The following SLC35F4 variants were observed in gnomAD, a reference collection of about 807,000 sequenced individuals.
The protein encoded by SLC35F4 is solute carrier family 35 member F4, also known as chromosome 14 open reading frame 36.
In SLC35F4, 24 loss-of-function variants were observed where a neutral mutation model predicts 44.2. The ratio of observed to expected loss-of-function variants is 0.54; its 90% confidence interval spans 0.39 to 0.76. The LOEUF is 0.76. Ranked by LOEUF, SLC35F4 falls within the 30% of genes least tolerant of loss-of-function variation. The pLI is 0.00. For missense variants in SLC35F4, 562 were observed against 586.1 expected, an observed-to-expected ratio of 0.96 and a Z score of 0.42; for synonymous variants, 238 against 223.6, an observed-to-expected ratio of 1.06 and a Z score of -0.57.
intron 6 of SLC35F4, among the ~76,000 whole-genome samples, chr14:57,568,865 A>G (rs2068339626): frequency 6.6e-6 from 1 of 152,108 alleles, no homozygotes; most frequent in South Asian, 2.1e-4. Context: ...AGCGGCATGA[A>G]AAGGATTTCT....
chr14:57,928,492 G>C (rs1889627010), intron 1 of SLC35F4, among the ~76,000 whole-genome samples: 1 of 152,152 alleles, frequency 6.6e-6, no homozygotes, highest in Admixed American at 6.5e-5. Flanking sequence ...TTTTTCCTCG[G>C]GCATTAACTG....
intron 1 of SLC35F4, among the ~76,000 whole-genome samples, chr14:57,772,443 G>A (rs574127799): frequency 8.5e-5 from 13 of 152,126 alleles, no homozygotes; most frequent in African/African-American, 3.1e-4. Flanking sequence ...GCATACTGGT[G>A]GGGATTGGGC....
intron 1 of SLC35F4, among the ~76,000 whole-genome samples, chr14:57,760,276 G>A (rs949683985): frequency 1.3e-5 from 2 of 152,046 alleles, no homozygotes; most frequent in Non-Finnish European, 1.5e-5. Context: ...AACATAATTT[G>A]TTGGCAATAT....
At chr14:57,896,736 C>T (rs889438157) in intron 1 of SLC35F4, among the ~76,000 whole-genome samples, 3 of 152,044 alleles carry the variant, frequency 2.0e-5, no homozygotes, top group African/African-American at 2.4e-5. Flanking sequence ...TGAGTTAATG[C>T]CTGTAAAGTG....
intron 1 of SLC35F4, among the ~76,000 whole-genome samples, chr14:57,676,986 C>T (rs1419379792): frequency 6.6e-6 from 1 of 151,972 alleles, no homozygotes; most frequent in Admixed American, 6.6e-5. Flanking sequence ...GTACAACTCG[C>T]AATTGCAAAA....
intron 4 of SLC35F4, among the ~76,000 whole-genome samples, chr14:57,577,526 AAAAAT>A (rs1285375976): frequency 6.6e-6 from 1 of 152,192 alleles, no homozygotes; most frequent in African/African-American, 2.4e-5. Context: ...AATAGTATAA[AAAAAT>A]AAGAGAGGGA....
intron 4 of SLC35F4, among the ~76,000 whole-genome samples, chr14:57,577,670 T>TAA (rs1022518397): frequency 9.4e-5 from 14 of 149,084 alleles, no homozygotes; most frequent in African/African-American, 3.4e-4. Context: ...AACCTTTTTT[T>TAA]AAAAAAAAAA....
At chr14:57,830,741 G>A (rs1253619252) in intron 1 of SLC35F4, among the ~76,000 whole-genome samples, 3 of 152,156 alleles carry the variant, frequency 2.0e-5, no homozygotes, top group Admixed American at 6.5e-5. Flanking sequence ...TCTATGAGGA[G>A]GGAAGCTGTC....
chr14:57,753,042 T>C (rs2076921473), intron 1 of SLC35F4, among the ~76,000 whole-genome samples: 1 of 152,200 alleles, frequency 6.6e-6, no homozygotes, highest in African/African-American at 2.4e-5. Flanking sequence ...GCTCAGGGGA[T>C]TGGCTTTAGT....
intron 1 of SLC35F4, among the ~76,000 whole-genome samples, chr14:57,795,341 C>T (rs551574345): frequency 5.3e-5 from 8 of 152,196 alleles, no homozygotes; most frequent in African/African-American, 1.9e-4. Flanking sequence ...CCCTGGTAGT[C>T]TAGAAGAAGC....
chr14:57,707,145 T>C (rs895396220), intron 1 of SLC35F4, among the ~76,000 whole-genome samples: 6 of 152,166 alleles, frequency 3.9e-5, no homozygotes, highest in African/African-American at 1.2e-4. Flanking sequence ...GAAGGTGTAG[T>C]TTTGATAACT....
At chr14:57,789,955 C>A (rs1261247959) in intron 1 of SLC35F4, among the ~76,000 whole-genome samples, 2 of 152,084 alleles carry the variant, frequency 1.3e-5, no homozygotes, top group Admixed American at 6.6e-5. Context: ...CTGCTTCATG[C>A]TAAAACACTC....
chr14:57,859,877 A>G (rs1294680444), intron 1 of SLC35F4, among the ~76,000 whole-genome samples: 1 of 152,220 alleles, frequency 6.6e-6, no homozygotes, highest in African/African-American at 2.4e-5. Context: ...AGAAGCTGAA[A>G]TGCATAATGA....
chr14:57,835,267 A>G (rs887897464), intron 1 of SLC35F4, among the ~76,000 whole-genome samples: 2 of 152,212 alleles, frequency 1.3e-5, no homozygotes, highest in Non-Finnish European at 2.9e-5. Context: ...GAGTCCAAGT[A>G]GGTCCTATAG....
In SLC35F4 at chr14:57,620,433, C is replaced by T. The variant is rs1052722455; in HGVS notation, c.104-26309G>A. 6.6e-5 allele frequency among the ~76,000 whole-genome samples: 10 copies of T among 152,124 alleles called. No individual in the cohort carries two copies. In the East Asian group the frequency reaches 1.9e-3, roughly 29 times the overall value. ...TTTCAACCCAGAATTTCATATCCAGCCAAACTAAGCTTCATAAGCAAAAGA... is the reference window on the plus strand; with the variant it reads ...TTTCAACCCAGAATTTCATATCCAGTCAAACTAAGCTTCATAAGCAAAAGA... On this transcript the variant is annotated intron_variant, in intron 1 of 7. Coordinates refer to ENST00000556826, the MANE Select transcript of SLC35F4 (RefSeq NM_001306087.2).
At chr14:57,717,886 A>C (rs1348265175) in intron 1 of SLC35F4, among the ~76,000 whole-genome samples, 1 of 152,186 alleles carries the variant, frequency 6.6e-6, no homozygotes, top group Non-Finnish European at 1.5e-5. Context: ...TGGTTATTTT[A>C]AAATGTACAA....
intron 1 of SLC35F4, among the ~76,000 whole-genome samples, chr14:57,856,056 G>T (rs912699361): frequency 3.3e-5 from 5 of 151,964 alleles, no homozygotes; most frequent in Admixed American, 3.3e-4. Flanking sequence ...GCCCAGGCTG[G>T]AGTGCAATGG....
chr14:57,979,336 A>G (rs546071293), intron 1 of SLC35F4, among the ~76,000 whole-genome samples: 2 of 152,328 alleles, frequency 1.3e-5, no homozygotes, highest in East Asian at 1.9e-4. Context: ...CATGTGAGAA[A>G]GAAAGGAGGG....
chr14:57,593,868 C>T (rs180872), intron 2 of SLC35F4, 71 bp downstream of exon 2: 595,273 of 1,515,860 alleles, frequency 0.39, 121,534 homozygotes, highest in Admixed American at 0.52. Context: ...CATTCTGTGA[C>T]AATGGCGAGA....
Sources: gnomAD v4.1 joint callset for allele counts (sites outside exome capture counted in the v4.1 genomes callset) on GRCh38, gnomAD v4.1.1 for gene constraint, MANE v1.5 for transcripts, NCBI Gene and HGNC (gene_info 2026-07-23, HGNC 2026-07-21) for gene names.